The following SOS2 variants were observed in gnomAD, a reference collection of about 807,000 sequenced individuals.
The protein encoded by SOS2 is SOS Ras/Rho guanine nucleotide exchange factor 2.
SOS2 carries 65 observed loss-of-function variants against 148.2 expected under a neutral mutation model. The ratio of observed to expected loss-of-function variants is 0.44; its 90% CI spans 0.36 to 0.54. The LOEUF (loss-of-function observed/expected upper bound fraction) is 0.54, where lower values mean the gene tolerates loss of function less well. Among genes scored for constraint, SOS2 ranks in the 20% least tolerant of loss-of-function variants. The pLI, the probability that SOS2 is intolerant of heterozygous loss-of-function variation, is 0.00. For synonymous variants in SOS2, 539 were observed against 537.1 expected (o/e 1.00, Z -0.05); for missense variants, 1,341 against 1,590.2 (o/e 0.84, Z 2.67).
At chr14:50,193,007 G>GTT (rs201768638) in intron 4 of SOS2, among the ~76,000 whole-genome samples, 1 of 151,292 alleles carries the variant, frequency 6.6e-6, no homozygotes, top group Non-Finnish European at 1.5e-5. Context: ...CTTTTTTTTG[G>GTT]TTTTTTTTGT....
intron 7 of SOS2, among the ~76,000 whole-genome samples, chr14:50,179,855 C>T (rs1053252957): frequency 1.3e-5 from 2 of 152,116 alleles, no homozygotes; most frequent in Non-Finnish European, 2.9e-5. Flanking sequence ...CAGTATTTAT[C>T]TCCTTTAAAT....
intron 13 of SOS2, among the ~76,000 whole-genome samples, chr14:50,152,862 G>A (rs552577703): frequency 6.6e-6 from 1 of 152,210 alleles, no homozygotes; most frequent in East Asian, 1.9e-4. Flanking sequence ...CTACTTGGGA[G>A]GCTGAGGCAG....
At chr14:50,199,988 C>T (rs909219642) in intron 3 of SOS2, 133 bp from the exon 4 acceptor site, 3 of 540,284 alleles carry the variant, frequency 5.6e-6, no homozygotes, top group Non-Finnish European at 6.4e-6. Flanking sequence ...ATGGGTACCA[C>T]GGGATATAAA....
intron 19 of SOS2, among the ~76,000 whole-genome samples, chr14:50,131,378 C>T (rs1883859953): frequency 6.6e-6 from 1 of 152,136 alleles, no homozygotes; most frequent in Non-Finnish European, 1.5e-5. Context: ...TATTTAACCC[C>T]TTGGAATCTC....
At chr14:50,133,233 TTC>T (rs1199755052) in intron 19 of SOS2, among the ~76,000 whole-genome samples, 8 of 124,108 alleles carry the variant, frequency 6.4e-5, no homozygotes, top group Non-Finnish European at 1.1e-4. Flanking sequence ...TGAACTTTTT[TTC>T]TTTTTTCTTT....
At chr14:50,188,915 T>A (rs1886014125) in intron 4 of SOS2, among the ~76,000 whole-genome samples, 1 of 151,852 alleles carries the variant, frequency 6.6e-6, no homozygotes, top group Non-Finnish European at 1.5e-5. Context: ...ATACAAAAAA[T>A]TAGCCAGGCG....
intron 21 of SOS2, among the ~76,000 whole-genome samples, chr14:50,121,862 C>T (rs117522895): frequency 1.3e-5 from 2 of 152,122 alleles, no homozygotes; most frequent in African/African-American, 4.8e-5. Flanking sequence ...TTGTTTGTCC[C>T]GTCTTTGGGA....
chr14:50,195,033 A>C (rs1886271081), intron 4 of SOS2, among the ~76,000 whole-genome samples: 1 of 152,096 alleles, frequency 6.6e-6, no homozygotes. Flanking sequence ...CATATGCTGG[A>C]ACATAGCCTC....
In SOS2 at chr14:50,149,986, GACATTA is replaced by G. The variant is rs750693332; in HGVS notation, c.2384+16_2384+21del. ...TTCAAGATTCTTAAAAATAAAGCAA[GACATTA>G]ACATTAATTGTCTACCTGTAAAGAT... On this transcript the variant is annotated intron_variant, in intron 14 of 22. Coordinates refer to ENST00000216373, the MANE Select transcript of SOS2 (RefSeq NM_006939.4). 1.8e-4 allele frequency: 269 copies of G among 1,454,372 alleles called. 1 individual carries two copies. Among genetic ancestry groups the G allele is most frequent in the African/African-American group, 5.7e-4 (41 of 71,850 alleles). 90.1% of individuals were successfully genotyped at this position (1,454,372 alleles called of 1,614,324 possible).
intron 16 of SOS2, among the ~76,000 whole-genome samples, chr14:50,142,659 A>G (rs1445850393): frequency 2.0e-5 from 3 of 152,240 alleles, no homozygotes; most frequent in Admixed American, 2.0e-4. Context: ...TTTGTTGTAT[A>G]GCTGAACAAT....
chr14:50,161,515 A>G lies in SOS2; in HGVS notation c.1163T>C (p.Ile388Thr). Reference sequence around the variant, plus strand: ...ACGTCTAGGTGAATACTGCTTGTAAATTCGGTCCATGCTACCTTGGAGATT... The same window carrying G: ...ACGTCTAGGTGAATACTGCTTGTAAGTTCGGTCCATGCTACCTTGGAGATT... ...LMNLQGSMDR[I>T]YKQYSPRRRP... The change falls in exon 9 of 23, where the codon ATT (isoleucine) becomes ACT (threonine). Residue 388 changes from isoleucine to threonine, a missense_variant. Physicochemically the swap from Ile to Thr is moderately conservative, Grantham distance 89. Coordinates refer to ENST00000216373, the MANE Select transcript of SOS2 (RefSeq NM_006939.4). 1 of 1,613,480 alleles carries G rather than the reference A, an allele frequency of 6.2e-7. No homozygotes were observed. The highest frequency in any genetic ancestry group is 8.5e-7 in the Non-Finnish European group (1 of 1,179,602).
At chr14:50,129,884 C>G in intron 21 of SOS2, 77 bp downstream of exon 21, 1 of 901,172 alleles carries the variant, frequency 1.1e-6, no homozygotes, top group East Asian at 2.6e-5. Flanking sequence ...TGCCAAAACT[C>G]AAAATACTCA....
intron 1 of SOS2, among the ~76,000 whole-genome samples, chr14:50,224,188 G>C (rs1277178745): frequency 6.6e-6 from 1 of 151,640 alleles, no homozygotes; most frequent in Non-Finnish European, 1.5e-5. Context: ...CTACTCGGGA[G>C]GCTGAGACAG....
At position 50,154,030 on chromosome 14, in the gene SOS2, C is replaced by T. The variant is rs566058893; in HGVS notation, c.2058-857G>A. 1.3e-4 allele frequency among the ~76,000 whole-genome samples: 20 copies of T among 151,374 alleles called. No individual in the cohort carries two copies. The South Asian group carries it at 3.7e-3, about 28-fold the overall frequency. On this transcript the variant is annotated intron_variant, in intron 12 of 22. Coordinates refer to ENST00000216373, the MANE Select transcript of SOS2 (RefSeq NM_006939.4). ...ACAAAAATGATTACCTATAACCTTG[C>T]AAAGAGAGATTTAATCAACTATGCA...
chr14:50,128,637 A>G (rs1308874135), intron 21 of SOS2, among the ~76,000 whole-genome samples: 6 of 152,254 alleles, frequency 3.9e-5, no homozygotes, highest in Non-Finnish European at 8.8e-5. Context: ...CTACAAAAAC[A>G]TCATTTAGAA....
chr14:50,164,074 T>A (rs1391889757), intron 8 of SOS2, among the ~76,000 whole-genome samples: 1 of 152,208 alleles, frequency 6.6e-6, no homozygotes, highest in Non-Finnish European at 1.5e-5. Context: ...TGAGATTTGA[T>A]AAACATCATA....
chr14:50,149,522 G>A (rs1884596458), intron 14 of SOS2, among the ~76,000 whole-genome samples: 1 of 152,138 alleles, frequency 6.6e-6, no homozygotes. Flanking sequence ...GGGGAAAACA[G>A]AGAGGTTGGT....
At position 50,160,024 on chromosome 14, in the gene SOS2, A is replaced by G. The variant is rs1234537423; in HGVS notation, c.1259T>C (p.Met420Thr). ...ATCGATATTTTTCTGAATTTCATTC[A>G]TTTTTTTGATAGCCAGGTGTTTGCT... ...LRSKHLAIKK[M>T]NEIQKNIDGW... Residue 420 changes from methionine (M) to threonine (T), a missense_variant, in exon 10 of 23, where the codon ATG (methionine) becomes ACG (threonine). Met to Thr is a moderately conservative substitution (Grantham distance 81). Transcript: ENST00000216373. The G allele has an allele frequency of 1.9e-6, 3 of 1,613,868 alleles. No homozygotes were observed. The highest frequency in any genetic ancestry group is 1.7e-5 in the Admixed American group (1 of 59,986).
At chr14:50,230,854 T>G (rs147657023) in intron 1 of SOS2, 2 of 1,005,292 alleles carry the variant, frequency 2.0e-6, no homozygotes, top group Non-Finnish European at 1.2e-6. Context: ...AAAATGTGCT[T>G]TTGTTTTAGA....
Sources: gnomAD v4.1 joint callset for allele counts (sites outside exome capture counted in the v4.1 genomes callset) on GRCh38, gnomAD v4.1.1 for gene constraint, MANE v1.5 for transcripts, NCBI Gene and HGNC (gene_info 2026-07-23, HGNC 2026-07-21) for gene names.